The following DPP6 variants were observed in gnomAD, a reference collection of about 807,000 sequenced individuals.
The protein encoded by DPP6 is A-type potassium channel modulatory protein DPP6.
Under a neutral mutation model 122.6 loss-of-function variants are expected in DPP6, and 69 were observed. That is an observed-to-expected ratio of 0.56 (90% CI 0.46 to 0.69). The LOEUF (loss-of-function observed/expected upper bound fraction) is 0.69, where lower values mean the gene tolerates loss of function less well. DPP6 is among the 30% of genes least tolerant of loss of function. The probability of loss-of-function intolerance (pLI) is 0.00; values close to 1 mark genes in which losing one functional copy is unlikely to be tolerated. For missense variants in DPP6, 928 were observed against 1,116.9 expected (o/e 0.83, Z 2.41); for synonymous variants, 418 against 433.1 (o/e 0.97, Z 0.43).
chr7:153,795,199 G>A, the DPP6 span, among the ~76,000 whole-genome samples: 26 of 152,288 alleles, frequency 1.7e-4, no homozygotes, highest in South Asian at 4.6e-3. Context: ...GGTGGATCAC[G>A]AGGTCAGGAG....
chr7:154,462,551 A>T (rs1321415355), intron 2 of DPP6, among the ~76,000 whole-genome samples: 3 of 151,980 alleles, frequency 2.0e-5, no homozygotes, highest in Non-Finnish European at 1.5e-5. Flanking sequence ...AATCTTTTAT[A>T]GTTTTCATTG....
intron 5 of DPP6, among the ~76,000 whole-genome samples, chr7:154,610,707 C>CTGTGTGTG (rs10525265): frequency 8.2e-6 from 1 of 121,996 alleles, no homozygotes; most frequent in African/African-American, 2.8e-5. Context: ...GTGTTGTTCT[C>CTGTGTGTG]TGTGTGTGTG....
intron 6 of DPP6, among the ~76,000 whole-genome samples, chr7:154,655,648 G>A (rs893320059): frequency 1.3e-5 from 2 of 152,182 alleles, no homozygotes; most frequent in South Asian, 2.1e-4. Flanking sequence ...AGCAGAATCC[G>A]GGACATGCTG....
intron 1 of DPP6, among the ~76,000 whole-genome samples, chr7:154,284,624 A>G (rs1804734306): frequency 6.6e-6 from 1 of 152,198 alleles, no homozygotes; most frequent in Admixed American, 6.5e-5. Context: ...GGAGGCCGAG[A>G]CAGGCTGATC....
chr7:154,332,073 CTTTT>C (rs5888570), intron 1 of DPP6, among the ~76,000 whole-genome samples: 1 of 141,916 alleles, frequency 7.0e-6, no homozygotes. Flanking sequence ...GCTTTTTAAA[CTTTT>C]TTTTTTTTTT....
chr7:154,259,656 G>T (rs1802870505), intron 1 of DPP6, among the ~76,000 whole-genome samples: 1 of 152,144 alleles, frequency 6.6e-6, no homozygotes, highest in African/African-American at 2.4e-5. Context: ...CTGCAAAGGA[G>T]GTGTTTTTTA....
intron 1 of DPP6, among the ~76,000 whole-genome samples, chr7:154,138,106 T>C (rs1378591270): frequency 2.0e-5 from 3 of 152,220 alleles, no homozygotes; most frequent in African/African-American, 7.2e-5. Context: ...ACCTCTTCTT[T>C]GCAAACGAGG....
intron 1 of DPP6, among the ~76,000 whole-genome samples, chr7:154,185,458 A>G (rs571233489): frequency 1.3e-5 from 2 of 152,238 alleles, no homozygotes; most frequent in Admixed American, 1.3e-4. Flanking sequence ...ATCAGTGCTT[A>G]GGGTCTAGAA....
intron 1 of DPP6, among the ~76,000 whole-genome samples, chr7:154,153,264 C>T (rs1265908481): frequency 9.9e-5 from 15 of 152,218 alleles, no homozygotes; most frequent in Non-Finnish European, 1.9e-4. Context: ...CGGCTCACTG[C>T]AACCTCTGCT....
intron 1 of DPP6, chr7:154,058,722 C>T (rs572602845): frequency 1.3e-5 from 2 of 151,056 alleles, no homozygotes; most frequent in East Asian, 4.0e-4. Flanking sequence ...CGGCAGGTAC[C>T]TTACGTGGGA....
chr7:154,471,566 C>G lies in DPP6; in HGVS notation c.359-3373C>G, dbSNP rs569236135. 3.4e-4 allele frequency among the ~76,000 whole-genome samples: 52 copies of G among 152,192 alleles called. 1 individual carries two copies. In the South Asian group the frequency reaches 0.01, roughly 30 times the overall value. On this transcript the variant is annotated intron_variant, in intron 2 of 25. Coordinates refer to ENST00000377770, the MANE Select transcript of DPP6 (RefSeq NM_130797.4). ...AAAGGGCTCCAGCCTAAATGACCAC[C>G]AAGACTTAGTTTAGAGCTGTTACCT...
At chr7:154,679,268 G>T (rs573539082) in intron 7 of DPP6, among the ~76,000 whole-genome samples, 79 of 152,312 alleles carry the variant, frequency 5.2e-4, no homozygotes, top group African/African-American at 1.7e-3. Context: ...GAAGTCGTCA[G>T]CCCCTTGTAA....
At chr7:154,093,476 T>C (rs1267781293) in intron 1 of DPP6, among the ~76,000 whole-genome samples, 1 of 114,412 alleles carries the variant, frequency 8.7e-6, no homozygotes, top group Non-Finnish European at 1.8e-5. Context: ...CCACATCATA[T>C]ACACCACACA....
chr7:154,151,471 C>G (rs764545393), intron 1 of DPP6, among the ~76,000 whole-genome samples: 1 of 152,218 alleles, frequency 6.6e-6, no homozygotes, highest in Non-Finnish European at 1.5e-5. Flanking sequence ...ACGGTTCACA[C>G]AGGCAATGCC....
intron 7 of DPP6, among the ~76,000 whole-genome samples, chr7:154,682,475 G>T (rs1049171523): frequency 6.6e-6 from 1 of 152,210 alleles, no homozygotes; most frequent in Non-Finnish European, 1.5e-5. Context: ...CGCACTCTCC[G>T]GTTTGAAATT....
intron 1 of DPP6, among the ~76,000 whole-genome samples, chr7:153,924,640 TAGG>T (rs1311104869): frequency 6.6e-6 from 1 of 152,160 alleles, no homozygotes; most frequent in Non-Finnish European, 1.5e-5. Flanking sequence ...CTTTGAGAAG[TAGG>T]AGAACAACTG....
chr7:153,936,272 A>G (rs1412783229), intron 1 of DPP6, among the ~76,000 whole-genome samples: 2 of 152,108 alleles, frequency 1.3e-5, no homozygotes, highest in East Asian at 3.9e-4. Context: ...ACCTCTCAGT[A>G]TATGAAATGT....
At position 154,576,862 on chromosome 7, in the gene DPP6, A is replaced by C. The variant is rs1831715490; in HGVS notation, c.627+9946A>C. 2.0e-5 allele frequency among the ~76,000 whole-genome samples: 3 copies of C among 152,162 alleles called. No homozygotes were observed. The South Asian group carries it at 6.2e-4, about 32-fold the overall frequency. On this transcript the variant is annotated intron_variant, in intron 5 of 25. Coordinates refer to ENST00000377770, the MANE Select transcript of DPP6 (RefSeq NM_130797.4). Reference sequence around the variant, plus strand: ...TATTTTCAGAGGAGTGGTGATTGCCACAGGCCTCAGAAACACCGGGTCTGG... The same window carrying C: ...TATTTTCAGAGGAGTGGTGATTGCCCCAGGCCTCAGAAACACCGGGTCTGG...
intron 4 of DPP6, among the ~76,000 whole-genome samples, chr7:154,562,481 T>C (rs1358208583): frequency 6.6e-6 from 1 of 152,034 alleles, no homozygotes; most frequent in Non-Finnish European, 1.5e-5. Context: ...AAAAATACCA[T>C]AAATATCATA....
Sources: gnomAD v4.1 joint callset for allele counts (sites outside exome capture counted in the v4.1 genomes callset) on GRCh38, gnomAD v4.1.1 for gene constraint, MANE v1.5 for transcripts, NCBI Gene and HGNC (gene_info 2026-07-23, HGNC 2026-07-21) for gene names.